Variants in KIDINS220 observed in about 807,000 individuals in gnomAD.
KIDINS220 encodes the protein kinase D-interacting substrate of 220 kDa.
Under a neutral mutation model 157.6 loss-of-function variants are expected in KIDINS220, and 63 were observed. The observed-to-expected ratio is 0.40, with a 90% CI of 0.33 to 0.49. The LOEUF (loss-of-function observed/expected upper bound fraction) is 0.49, where lower values mean the gene tolerates loss of function less well. KIDINS220 is among the 20% of genes least tolerant of loss of function. KIDINS220 has a pLI of 0.66. For missense variants in KIDINS220, 1,772 were observed against 2,171.2 expected (o/e 0.82, Z 3.65); for synonymous variants, 732 against 783.6 (o/e 0.93, Z 1.10).
In KIDINS220 at chr2:8,802,999, T is replaced by G; in HGVS notation, c.732A>C (p.Ser244=). ...KDGNTALMIA[S]KEGHTEIVQD... is the part of the protein sequence containing the mutation. ...GCACAATCTCCGTATGTCCCTCCTTTGATGCAATCATCAAAGCTGTATTTC... is the reference window on the plus strand; with the variant it reads ...GCACAATCTCCGTATGTCCCTCCTTGGATGCAATCATCAAAGCTGTATTTC... The change falls in exon 8 of 30, where the codon TCA becomes TCC. Residue 244 remains serine, a synonymous_variant. Coordinates refer to ENST00000256707, the MANE Select transcript of KIDINS220 (RefSeq NM_020738.4). The G allele has an allele frequency of 6.2e-7, 1 of 1,613,952 alleles. No homozygotes were observed. The highest frequency in any genetic ancestry group is 8.5e-7 in the Non-Finnish European group (1 of 1,180,000).
At chr2:8,750,460 A>T in intron 23 of KIDINS220, 125 bp from the exon 24 acceptor site, 1 of 577,208 alleles carries the variant, frequency 1.7e-6, no homozygotes. Context: ...CACGGATTCC[A>T]ACTAGATTAA....
In KIDINS220 at chr2:8,736,997, C is replaced by A. The variant is rs1307170938; in HGVS notation, c.3588G>T (p.Gly1196=). ...GLSSPTDSSR[G]SGPAPGPVVL... ...CCACTGGGCCTGGGGCTGGGCCTGA[C>A]CCCTAGAGAAGTCAAGGAAAAATAC... Residue 1196 remains glycine, a splice_region_variant and synonymous_variant, in exon 27 of 30, where the codon GGG becomes GGT. Transcript: ENST00000256707. The A allele has an allele frequency of 4.3e-6, 7 of 1,613,998 alleles. No homozygotes were observed. In the South Asian group the frequency reaches 7.7e-5, roughly 18 times the overall value.
chr2:8,738,330 T>C (rs6719222), intron 26 of KIDINS220, among the ~76,000 whole-genome samples: 149,638 of 152,346 alleles, frequency 0.98, 73,501 homozygotes, highest in Middle Eastern at 1. Flanking sequence ...CAGACGGAAG[T>C]GAAAATTAAT....
At chr2:8,810,550 C>G (rs1383406796) in intron 6 of KIDINS220, among the ~76,000 whole-genome samples, 2 of 152,176 alleles carry the variant, frequency 1.3e-5, no homozygotes. Context: ...CTTTGGGAGG[C>G]CAAGGCGGGT....
At chr2:8,783,221 AAAG>A (rs1220748062) in intron 17 of KIDINS220, among the ~76,000 whole-genome samples, 4 of 150,474 alleles carry the variant, frequency 2.7e-5, no homozygotes, top group Non-Finnish European at 4.4e-5. Flanking sequence ...GAAACAGGCT[AAAG>A]AAGAAAGATC....
Position 8,731,129 on chromosome 2 carries a change from T to C in KIDINS220, c.4907A>G (p.Gln1636Arg). The C allele has an allele frequency of 6.2e-7, 1 of 1,614,184 alleles. No individual in the cohort carries two copies. Among genetic ancestry groups the C allele is most frequent in the African/African-American group, 1.3e-5 (1 of 75,062 alleles). ...RGIPHSLSGL[Q>R]DPIIARMSIC... ...GGACATCCGAGCTATAATTGGATCT[T>C]GCAGGCCACTCAGGCTATGTGGGAT... Residue 1636 changes from glutamine to arginine, a missense_variant, in exon 30 of 30, where the codon CAA becomes CGA. Physicochemically the swap from Gln to Arg is conservative, Grantham distance 43. Around this residue, in one of 3 missense-constraint regions of KIDINS220, gnomAD observed 793 missense variants for 885.5 expected, o/e 0.90. Coordinates refer to ENST00000256707, the MANE Select transcript of KIDINS220 (RefSeq NM_020738.4). The surrounding 1 kb of genome is among the most constrained non-coding windows in gnomAD (Gnocchi z 5.2).
intron 22 of KIDINS220, among the ~76,000 whole-genome samples, chr2:8,760,425 G>C (rs1247313491): frequency 6.6e-6 from 1 of 152,220 alleles, no homozygotes; most frequent in African/African-American, 2.4e-5. Flanking sequence ...CAGAGAAGCA[G>C]AGAACACTTC....
chr2:8,757,236 T>C (rs1342168040), intron 22 of KIDINS220: 1 of 985,530 alleles, frequency 1.0e-6, no homozygotes, highest in Non-Finnish European at 1.2e-6. Flanking sequence ...ATAGGACTAT[T>C]TGAATAAAAA....
intron 26 of KIDINS220, among the ~76,000 whole-genome samples, chr2:8,740,977 GTCTT>G (rs1232581845): frequency 6.6e-6 from 1 of 152,162 alleles, no homozygotes; most frequent in East Asian, 1.9e-4. Flanking sequence ...GACGTTTGAT[GTCTT>G]TCTTTTAACA....
rs773570224 is a variant in KIDINS220, at chr2:8,770,690, T to A, written c.2991A>T (p.Thr997=). ...EETEGIPDQM[T]LKTIYERISK... ...GGTACCTTTCGTAGATGGTTTTTAA[T>A]GTCATTTGATCTGGAATACCTTCAG... Residue 997 remains threonine (T), a synonymous_variant, in exon 22 of 30, where the codon ACA becomes ACT. Transcript: ENST00000256707. 5 of 1,603,462 alleles carry A rather than the reference T, an allele frequency of 3.1e-6. No homozygotes were observed. Among genetic ancestry groups the A allele is most frequent in the Admixed American group, 3.4e-5 (2 of 58,918 alleles).
At chr2:8,727,059 T>C (rs1448033840), downstream of KIDINS220, 2 of 991,248 alleles carry the variant, frequency 2.0e-6, no homozygotes, top group Non-Finnish European at 2.7e-6. Flanking sequence ...CAGTGCTGGC[T>C]GTTGTCTATA....
At chr2:8,812,593 G>T in intron 5 of KIDINS220, 100 bp from the exon 6 acceptor site, 1 of 510,596 alleles carries the variant, frequency 2.0e-6, no homozygotes, top group Non-Finnish European at 3.3e-6. Context: ...AAATCTTTTA[G>T]GTAGATATTT....
chr2:8,773,652 C>T (rs1264910855), intron 21 of KIDINS220, among the ~76,000 whole-genome samples: 1 of 151,734 alleles, frequency 6.6e-6, no homozygotes, highest in African/African-American at 2.4e-5. Context: ...TTGTATTGTT[C>T]GTAAAGACGG....
chr2:8,764,798 C>A (rs1365289151), intron 22 of KIDINS220, among the ~76,000 whole-genome samples: 5 of 152,168 alleles, frequency 3.3e-5, no homozygotes, highest in Admixed American at 3.3e-4. Flanking sequence ...TTTCTTTATT[C>A]TTTCAGAAAT....
At chr2:8,806,195 A>G in intron 7 of KIDINS220, 76 bp downstream of exon 7, 1 of 1,095,678 alleles carries the variant, frequency 9.1e-7, no homozygotes, top group Non-Finnish European at 1.3e-6. Flanking sequence ...CTAGGCATAC[A>G]CTAAAGAAAT....
chr2:8,796,558 G>A (rs1444371431), intron 11 of KIDINS220, among the ~76,000 whole-genome samples: 2 of 152,110 alleles, frequency 1.3e-5, no homozygotes, highest in Non-Finnish European at 2.9e-5. Flanking sequence ...GTGAGCCGTA[G>A]AAGGAAAGTC....
intron 29 of KIDINS220, 36 bp downstream of exon 29, chr2:8,733,408 T>C (rs1558305985): frequency 6.5e-7 from 1 of 1,527,670 alleles, no homozygotes; most frequent in Non-Finnish European, 9.0e-7. Flanking sequence ...GTGTGCTTAT[T>C]CTTCAATAAT....
At chr2:8,817,362 G>C (rs924696340) in intron 4 of KIDINS220, among the ~76,000 whole-genome samples, 5 of 152,062 alleles carry the variant, frequency 3.3e-5, no homozygotes, top group Non-Finnish European at 7.4e-5. Flanking sequence ...ATATTAAAGA[G>C]TAATGAGTTA....
At position 8,785,741 on chromosome 2, in the gene KIDINS220, T is replaced by C; in HGVS notation, c.2229A>G (p.Lys743=). The C allele has an allele frequency of 1.9e-6, 3 of 1,604,198 alleles. No individual in the cohort carries two copies. The highest frequency in any genetic ancestry group is 2.5e-6 in the Non-Finnish European group (3 of 1,176,866). ...TTTCTAATAACCAATGAGTGCTTAC[T>C]TTCATGAATCCTTCACTTTTCAATT... is the stretch of plus-strand genomic sequence containing the variant. ...LHKLKSEGFM[K]VLKCEVELMA... Residue 743 remains lysine (K), a splice_region_variant and synonymous_variant, in exon 17 of 30, where the codon AAA becomes AAG. Transcript: ENST00000256707.
Sources: allele counts gnomAD v4.1 joint callset (sites outside exome capture counted in the v4.1 genomes callset), GRCh38; gene constraint gnomAD v4.1.1; regional missense constraint gnomAD v4.1.1; non-coding constraint Gnocchi (gnomAD v3.1); transcripts MANE v1.5; gene names NCBI Gene and HGNC (gene_info 2026-07-23, HGNC 2026-07-21).